The following ITGA5 variants were observed in gnomAD, a reference collection of about 807,000 sequenced individuals.
The protein encoded by ITGA5 is integrin alpha-5.
In ITGA5, 55 loss-of-function variants were observed where a neutral mutation model predicts 146.3. That is an observed-to-expected ratio of 0.38 (90% CI 0.30 to 0.47). The LOEUF (loss-of-function observed/expected upper bound fraction) is 0.47, where lower values mean the gene tolerates loss of function less well. ITGA5 is among the 20% of genes least tolerant of loss of function. ITGA5 has a pLI of 0.99. For missense variants in ITGA5, 1,131 were observed against 1,329.0 expected (o/e 0.85, Z 2.32); for synonymous variants, 500 against 531.8 (o/e 0.94, Z 0.82).
chr12:54,416,143 C>T lies in ITGA5; in HGVS notation c.218+2838G>A, dbSNP rs1294719840. ...GCTCAGTACAGATGTGATCTCAGCT[C>T]ACTGCAATCTCTGCCTCCCAGGTTC... On this transcript the variant is annotated intron_variant, in intron 1 of 29. Transcript: ENST00000293379. This position sits in a 1 kb window ranked among gnomAD's most constrained non-coding sequence, Gnocchi z 4.1. 6.6e-6 allele frequency among the ~76,000 whole-genome samples: 1 copy of T among 152,192 alleles called. No individual in the cohort carries two copies. Among genetic ancestry groups the T allele is most frequent in the African/African-American group, 2.4e-5 (1 of 41,452 alleles).
chr12:54,413,283 G>C (rs2120564866), intron 1 of ITGA5: 1 of 153,004 alleles, frequency 6.5e-6, no homozygotes, highest in Admixed American at 6.5e-5. Flanking sequence ...GGGGATGGAA[G>C]CAGCAGAGAG....
At chr12:54,408,672 T>C (rs910169642) in intron 6 of ITGA5, 84 bp downstream of exon 6, 5 of 1,252,082 alleles carry the variant, frequency 4.0e-6, no homozygotes. Context: ...GTTGTGCCAC[T>C]GCACTCCAGC....
Position 54,399,879 on chromosome 12 carries a change from C to G in ITGA5, c.2712G>C (p.Ser904=). Residue 904 remains serine, a synonymous_variant, in exon 26 of 30, where the codon TCG becomes TCC. Coordinates refer to ENST00000293379, the MANE Select transcript of ITGA5 (RefSeq NM_002205.5). ...CCTGACTTACCAGGATCTGAGGTCC[C>G]GAGGAAGCAGAGCTGCGGCTTGGAG... The part of the protein sequence containing the change: ...REAPSRSSAS[S]GPQILKCPEA... 1.9e-6 allele frequency: 3 copies of G among 1,614,106 alleles called. No individual in the cohort carries two copies. The highest frequency in any genetic ancestry group is 1.3e-5 in the African/African-American group (1 of 75,032).
chr12:54,418,175 A>T (rs568884244), intron 1 of ITGA5, among the ~76,000 whole-genome samples: 2 of 151,610 alleles, frequency 1.3e-5, no homozygotes, highest in East Asian at 3.9e-4. Context: ...TCTTCCTCCC[A>T]AGAGCCAGAG....
Position 54,408,183 on chromosome 12 carries a change from C to G in ITGA5, c.744G>C (p.Glu248Asp). The G allele has an allele frequency of 6.2e-7, 1 of 1,614,142 alleles. No homozygotes were observed. The highest frequency in any genetic ancestry group is 1.3e-5 in the African/African-American group (1 of 75,020). Reference protein sequence around the residue: ...QEQIAESYYPEYLINLVQGQL... With the variant: ...QEQIAESYYPDYLINLVQGQL... ...GCCCCTGAACCAGGTTGATCAGGTA[C>G]TCGGGGTAATAAGATTCTGCAATCT... Residue 248 changes from glutamate (E) to aspartate (D), a missense_variant, in exon 7 of 30, where the codon GAG (glutamate) becomes GAC (aspartate). Transcript: ENST00000293379.
chr12:54,397,980 C>T (rs1955734098), intron 28 of ITGA5, among the ~76,000 whole-genome samples: 2 of 151,914 alleles, frequency 1.3e-5, no homozygotes, highest in African/African-American at 4.8e-5. Context: ...TTACTACAAC[C>T]TCTGCATCCT....
At position 54,403,795 on chromosome 12, in the gene ITGA5, T is replaced by TA; in HGVS notation, c.1622-17dup. On this transcript the variant is annotated splice_polypyrimidine_tract_variant and intron_variant, in intron 16 of 29. Transcript: ENST00000293379. This position sits in a 1 kb window ranked among gnomAD's most constrained non-coding sequence, Gnocchi z 4.9. ...ACTGTGAAACCTGAAGCCAGGGACATATAAAGGGAAACTGCCTGTCTTTCC... is the reference window on the plus strand; with the variant it reads ...ACTGTGAAACCTGAAGCCAGGGACATAATAAAGGGAAACTGCCTGTCTTTCC... 6.2e-7 allele frequency: 1 copy of TA among 1,612,992 alleles called. No individual in the cohort carries two copies. The highest frequency in any genetic ancestry group is 8.5e-7 in the Non-Finnish European group (1 of 1,179,074).
intron 1 of ITGA5, 22 bp from the exon 2 acceptor site, chr12:54,411,986 C>A: frequency 6.4e-7 from 1 of 1,551,640 alleles, no homozygotes; most frequent in African/African-American, 1.4e-5. Context: ...AAAAGCGAGG[C>A]AGTTGAGGAT....
intron 13 of ITGA5, 32 bp from the exon 14 acceptor site, chr12:54,404,507 C>G (rs201658223): frequency 1.3e-5 from 21 of 1,612,874 alleles, no homozygotes; most frequent in Non-Finnish European, 1.7e-5. Context: ...CCTCTTACAG[C>G]AAGCCCCAGA....
chr12:54,413,612 G>A (rs934027112), intron 1 of ITGA5, among the ~76,000 whole-genome samples: 10 of 152,164 alleles, frequency 6.6e-5, no homozygotes, highest in Non-Finnish European at 1.3e-4. Context: ...TGGCTGCACC[G>A]CCCTAGGGCT....
Position 54,411,849 on chromosome 12 carries a change from C to A in ITGA5, c.334G>T (p.Glu112Ter), listed in dbSNP as rs1414693264. 1 of 1,509,688 alleles carries A rather than the reference C, an allele frequency of 6.6e-7. No homozygotes were observed. Among genetic ancestry groups the A allele is most frequent in the Non-Finnish European group, 8.9e-7 (1 of 1,124,306 alleles). The allele number at this position is 1,509,688 out of a possible 1,614,324, so 93.5% of individuals were successfully genotyped here. Residue 112 changes from glutamate to a stop codon, truncating the protein, a stop_gained, in exon 2 of 30, where the codon GAA becomes TAA. Transcript: ENST00000293379. LOFTEE classifies it high-confidence loss of function. ...ACTGGCCTACCTTTGCTGTCAAATT[C>A]AATGGGGGTGCACTGTGTGGGGCTG... The part of the protein sequence containing the change: ...GASPTQCTPI[E>*]FDSKGSRLLE...
chr12:54,409,657 C>T lies in ITGA5; in HGVS notation c.350-60G>A. The T allele has an allele frequency of 3.5e-6, 4 of 1,144,174 alleles. No individual in the cohort carries two copies. The highest frequency in any genetic ancestry group is 5.1e-6 in the Non-Finnish European group (4 of 785,520). 70.9% of individuals were successfully genotyped at this position (1,144,174 alleles called of 1,614,324 possible). On this transcript the variant is annotated intron_variant, in intron 2 of 29. Coordinates refer to ENST00000293379, the MANE Select transcript of ITGA5 (RefSeq NM_002205.5). The surrounding 1 kb of genome is among the most constrained non-coding windows in gnomAD (Gnocchi z 4.7). ...CATGGACATTTGAGCTCTAGGGCAG[C>T]CCCTACCCTCAGCCTGGGGATACCC...
chr12:54,412,448 C>G (rs543431959), intron 1 of ITGA5: 1 of 152,984 alleles, frequency 6.5e-6, no homozygotes, highest in Non-Finnish European at 1.5e-5. Flanking sequence ...TGCCCAGCCA[C>G]CCAGCCTTGG....
Position 54,399,938 on chromosome 12 carries a change from C to T in ITGA5, c.2653G>A (p.Glu885Lys), listed in dbSNP as rs867921931. Residue 885 changes from glutamate to lysine, a missense_variant, in exon 26 of 30, where the codon GAG (glutamate) becomes AAG (lysine). By Grantham distance (56) the Glu-to-Lys change is moderately conservative. Around this residue, in one of 3 missense-constraint regions of ITGA5, gnomAD observed 889 missense variants for 1,021.5 expected, o/e 0.87. Transcript: ENST00000293379. ...TTTTGCTGGTGGTGCAGGGAACCCT[C>T]GGGATCCAACTATAAAAGAAAGTGT... ...INPKGLELDPEGSLHHQQKRE... is the reference protein window; with the variant it reads ...INPKGLELDPKGSLHHQQKRE... 8.7e-6 allele frequency: 14 copies of T among 1,613,478 alleles called. No homozygotes were observed. The East Asian group carries it at 1.1e-4, about 13-fold the overall frequency.
chr12:54,401,367 C>A lies in ITGA5; in HGVS notation c.2493+6G>T, dbSNP rs761220086. 8 of 1,598,642 alleles carry A rather than the reference C, an allele frequency of 5.0e-6. No individual in the cohort carries two copies. In the South Asian group the frequency reaches 5.5e-5, roughly 11 times the overall value. ...TTCATTCTGGCCCTGCCCCTTCCCC[C>A]CTTACCTCATAGACATGGTGGACAG... On this transcript the variant is annotated splice_donor_region_variant and intron_variant, in intron 24 of 29. Transcript: ENST00000293379. The surrounding 1 kb of genome is among the most constrained non-coding windows in gnomAD (Gnocchi z 5.0).
chr12:54,397,447 T>C lies in ITGA5; in HGVS notation c.2984A>G (p.Tyr995Cys). ...AVQWTKAEGS[Y>C]GVPLWIIILA... ...GATGATGATCCACAGTGGGACGCCA[T>C]AGCTGCCTTCTGCCTTGGTCCATTG... is the stretch of plus-strand genomic sequence containing the variant. The change falls in exon 29 of 30, where the codon TAT becomes TGT. Residue 995 changes from tyrosine to cysteine, a missense_variant. Physicochemically the swap from Tyr to Cys is radical, Grantham distance 194 (BLOSUM62 -2). Coordinates refer to ENST00000293379, the MANE Select transcript of ITGA5 (RefSeq NM_002205.5). 1 of 1,614,178 alleles carries C rather than the reference T, an allele frequency of 6.2e-7. No homozygotes were observed. Among genetic ancestry groups the C allele is most frequent in the Non-Finnish European group, 8.5e-7 (1 of 1,180,004 alleles).
intron 19 of ITGA5, 64 bp downstream of exon 19, chr12:54,402,919 T>C: frequency 7.3e-7 from 1 of 1,371,156 alleles, no homozygotes; most frequent in Non-Finnish European, 1.0e-6. Context: ...AGTATGTCCC[T>C]AGCTGATTTT....
chr12:54,412,269 G>C, intron 1 of ITGA5: 1 of 245,188 alleles, frequency 4.1e-6, no homozygotes, highest in Non-Finnish European at 7.9e-6. Flanking sequence ...GGGAAGAGGG[G>C]CCAGAGCCTG....
chr12:54,417,479 G>T (rs1369189140), intron 1 of ITGA5, among the ~76,000 whole-genome samples: 2 of 151,400 alleles, frequency 1.3e-5, no homozygotes, highest in African/African-American at 4.9e-5. Context: ...AAGGCCAGGG[G>T]GGTGGGGTGG....
Sources: gnomAD v4.1 joint callset for allele counts (sites outside exome capture counted in the v4.1 genomes callset) on GRCh38, gnomAD v4.1.1 for gene constraint, gnomAD v4.1.1 regional missense constraint, Gnocchi (gnomAD v3.1) non-coding constraint, MANE v1.5 for transcripts, NCBI Gene and HGNC (gene_info 2026-07-23, HGNC 2026-07-21) for gene names.